Variants in KIRREL3 observed in about 807,000 individuals in gnomAD.
KIRREL3 encodes kin of IRRE-like protein 3.
Under a neutral mutation model 89.7 loss-of-function variants are expected in KIRREL3, and 36 were observed. The ratio of observed to expected loss-of-function variants is 0.40; its 90% CI spans 0.31 to 0.53. KIRREL3 has a LOEUF of 0.53. Among genes scored for constraint, KIRREL3 ranks in the 20% least tolerant of loss-of-function variants. The pLI, the probability that KIRREL3 is intolerant of heterozygous loss-of-function variation, is 0.49. For synonymous variants in KIRREL3, 445 were observed against 441.4 expected (o/e 1.01, Z -0.10); for missense variants, 864 against 1,056.6 (o/e 0.82, Z 2.53).
rs1374438881 is a variant in KIRREL3 at position 126,734,950 on chromosome 11, G to A, written c.56-172038C>T. ...TTCTGGTCCAGCTGTGCCTGGCTCC[G>A]ACCAAGGGCAGGGTCAATGTGCACT... On this transcript the variant is annotated intron_variant, in intron 1 of 16. Coordinates refer to ENST00000525144, the MANE Select transcript of KIRREL3 (RefSeq NM_032531.4). The surrounding 1 kb of genome is among the most constrained non-coding windows in gnomAD (Gnocchi z 5.9). Among the ~76,000 whole-genome samples, 7 of 152,298 alleles carry A rather than the reference G, an allele frequency of 4.6e-5. No homozygotes were observed. The highest frequency in any genetic ancestry group is 7.4e-5 in the Non-Finnish European group (5 of 68,024).
At chr11:126,626,992 C>T (rs1943814975) in intron 1 of KIRREL3, among the ~76,000 whole-genome samples, 1 of 142,026 alleles carries the variant, frequency 7.0e-6, no homozygotes, top group African/African-American at 2.6e-5. Context: ...AAGAGTGAAA[C>T]ACTGTCTCAA....
At chr11:126,863,566 TG>T (rs1944808183) in intron 1 of KIRREL3, among the ~76,000 whole-genome samples, 1 of 146,474 alleles carries the variant, frequency 6.8e-6, no homozygotes, top group Non-Finnish European at 1.5e-5. Flanking sequence ...TGTGTGAGTG[TG>T]TTTGACTGCG....
At chr11:126,925,853 C>T (rs1037333156) in intron 1 of KIRREL3, among the ~76,000 whole-genome samples, 2 of 152,250 alleles carry the variant, frequency 1.3e-5, no homozygotes, top group African/African-American at 4.8e-5. Flanking sequence ...TGTCCCCAGG[C>T]ACTCCTTCCT....
In KIRREL3 at chr11:126,841,887, G is replaced by T. The variant is rs566796425; in HGVS notation, c.55+158568C>A. Among the ~76,000 whole-genome samples the T allele has an allele frequency of 9.6e-4, 146 of 152,240 alleles. 3 individuals carry two copies. The highest frequency in any genetic ancestry group is 3.1e-3 in the African/African-American group (128 of 41,536). ...TTAAATCCTCCAGGAAAAGACAAAG[G>T]CTTCATACATCGTCAAGGTGGACCA... is the stretch of plus-strand genomic sequence containing the variant. On this transcript the variant is annotated intron_variant, in intron 1 of 16. Transcript: ENST00000525144.
Position 126,431,434 on chromosome 11 carries a change from C to T in KIRREL3, c.1681G>A (p.Ala561Thr). 6.2e-7 allele frequency: 1 copy of T among 1,614,040 alleles called. No homozygotes were observed. Among genetic ancestry groups the T allele is most frequent in the South Asian group, 1.1e-5 (1 of 91,082 alleles). The change falls in exon 14 of 17, where the codon GCC becomes ACC. Residue 561 changes from alanine (A) to threonine (T), a missense_variant. By Grantham distance (58) the Ala-to-Thr change is moderately conservative. Transcript: ENST00000525144. This position sits in a 1 kb window ranked among gnomAD's most constrained non-coding sequence, Gnocchi z 7.1. ...CCTCCCGTACTTCTCTGGGAACGGG[C>T]ACAGCAGAACGCCACGATGGTTGCC... The part of the protein sequence containing the change: ...LMATIVAFCC[A>T]RSQRNLKGVV...
intron 2 of KIRREL3, among the ~76,000 whole-genome samples, chr11:126,559,077 C>G (rs1007847427): frequency 6.6e-6 from 1 of 151,898 alleles, no homozygotes; most frequent in African/African-American, 2.4e-5. Context: ...GGAAACTACC[C>G]CTGGGGAAGG....
Position 126,778,649 on chromosome 11 carries a change from A to G in KIRREL3, c.56-215737T>C, listed in dbSNP as rs1565724244. Among the ~76,000 whole-genome samples, 1 of 152,246 alleles carries G rather than the reference A, an allele frequency of 6.6e-6. No individual in the cohort carries two copies. Reference sequence around the variant, plus strand: ...AGAAGAACACAAAAATGCATATGGTACAGCTTTTGAATGGTGTGATCACAT... The same window carrying G: ...AGAAGAACACAAAAATGCATATGGTGCAGCTTTTGAATGGTGTGATCACAT... On this transcript the variant is annotated intron_variant, in intron 1 of 16. Coordinates refer to ENST00000525144, the MANE Select transcript of KIRREL3 (RefSeq NM_032531.4). This position sits in a 1 kb window ranked among gnomAD's most constrained non-coding sequence, Gnocchi z 4.5.
intron 1 of KIRREL3, among the ~76,000 whole-genome samples, chr11:126,592,515 C>T (rs1279411772): frequency 6.6e-6 from 1 of 152,214 alleles, no homozygotes; most frequent in Admixed American, 6.5e-5. Flanking sequence ...TGTAGCTTCT[C>T]CAAGAAGATT....
chr11:126,799,106 ATGTG>A (rs1378661771), intron 1 of KIRREL3, among the ~76,000 whole-genome samples: 2 of 145,268 alleles, frequency 1.4e-5, no homozygotes, highest in African/African-American at 2.6e-5. Flanking sequence ...CTGTGCGTGG[ATGTG>A]TGTATCTGTG....
Position 126,423,714 on chromosome 11 carries a change from C to T in KIRREL3, c.*866G>A, listed in dbSNP as rs778003165. 2 of 152,176 alleles carry T rather than the reference C, an allele frequency of 1.3e-5. No homozygotes were observed. Among genetic ancestry groups the T allele is most frequent in the Non-Finnish European group, 2.9e-5 (2 of 68,048 alleles). The allele number at this position is 152,176 out of a possible 1,614,324, so 9.4% of individuals were successfully genotyped here. ...CTCTCTCCATAAGTGTTCAGAGAAC[C>T]CTGACCAGAGAAGCTCCCGCACTTC... On this transcript the variant is annotated 3_prime_UTR_variant, in exon 17 of 17. Coordinates refer to ENST00000525144, the MANE Select transcript of KIRREL3 (RefSeq NM_032531.4).
Position 126,908,071 on chromosome 11 carries a change from T to C in KIRREL3, c.55+92384A>G, listed in dbSNP as rs754507445. 2.3e-4 allele frequency among the ~76,000 whole-genome samples: 35 copies of C among 152,158 alleles called. No individual in the cohort carries two copies. Among genetic ancestry groups the C allele is most frequent in the Non-Finnish European group, 4.3e-4 (29 of 68,040 alleles). The stretch of plus-strand genomic sequence containing the variant: ...GCTTTCTTTTCCTCCATAGCCCTTA[T>C]CAGTACCTAACATATAAATCTGTTA... On this transcript the variant is annotated intron_variant, in intron 1 of 16. Coordinates refer to ENST00000525144, the MANE Select transcript of KIRREL3 (RefSeq NM_032531.4). This position sits in a 1 kb window ranked among gnomAD's most constrained non-coding sequence, Gnocchi z 4.2.
In KIRREL3 at chr11:126,576,982, TGA is replaced by T. The variant is rs2134648908; in HGVS notation, c.56-14072_56-14071del. Among the ~76,000 whole-genome samples, 1 of 152,306 alleles carries T rather than the reference TGA, an allele frequency of 6.6e-6. No individual in the cohort carries two copies. The highest frequency in any genetic ancestry group is 2.1e-4 in the South Asian group (1 of 4,814). ...GCTTCTCATATGAGAAAACTGAGGC[TGA>T]GAGAGGCTCAAGGGCTCCCATAACT... On this transcript the variant is annotated intron_variant, in intron 1 of 16. Coordinates refer to ENST00000525144, the MANE Select transcript of KIRREL3 (RefSeq NM_032531.4). This position sits in a 1 kb window ranked among gnomAD's most constrained non-coding sequence, Gnocchi z 5.4.
chr11:126,752,113 C>T lies in KIRREL3; in HGVS notation c.56-189201G>A, dbSNP rs528664663. ...TCCTTGTGTGTCAGCTTTTTCTTTG[C>T]AAAATAGGAACAATGATGATACCTG... is the stretch of plus-strand genomic sequence containing the variant. On this transcript the variant is annotated intron_variant, in intron 1 of 16. Coordinates refer to ENST00000525144, the MANE Select transcript of KIRREL3 (RefSeq NM_032531.4). This position sits in a 1 kb window ranked among gnomAD's most constrained non-coding sequence, Gnocchi z 4.8. 6.6e-6 allele frequency among the ~76,000 whole-genome samples: 1 copy of T among 152,118 alleles called. No homozygotes were observed. The highest frequency in any genetic ancestry group is 1.5e-5 in the Non-Finnish European group (1 of 68,028).
chr11:126,932,492 C>T (rs1461826535), intron 1 of KIRREL3, among the ~76,000 whole-genome samples: 3 of 152,194 alleles, frequency 2.0e-5, no homozygotes, highest in African/African-American at 7.2e-5. Context: ...TAACCTCACA[C>T]AGATATGACC....
At chr11:126,672,654 A>C (rs1946007799) in intron 1 of KIRREL3, among the ~76,000 whole-genome samples, 1 of 152,198 alleles carries the variant, frequency 6.6e-6, no homozygotes, top group South Asian at 2.1e-4. Context: ...GGTATAATAA[A>C]AATATACATA....
rs1949954957 is a variant in KIRREL3, at chr11:126,769,542, T to C, written c.56-206630A>G. ...GGTATTGATTTGCATATGATATTCA[T>C]GCATTTTGCATATTTTCATTTACCA... On this transcript the variant is annotated intron_variant, in intron 1 of 16. Coordinates refer to ENST00000525144, the MANE Select transcript of KIRREL3 (RefSeq NM_032531.4). The surrounding 1 kb of genome is among the most constrained non-coding windows in gnomAD (Gnocchi z 4.3). 6.6e-6 allele frequency among the ~76,000 whole-genome samples: 1 copy of C among 152,256 alleles called. No individual in the cohort carries two copies. The highest frequency in any genetic ancestry group is 2.4e-5 in the African/African-American group (1 of 41,472).
rs1173987989 is a variant in KIRREL3, at chr11:126,684,639, C to G, written c.56-121727G>C. On this transcript the variant is annotated intron_variant, in intron 1 of 16. Transcript: ENST00000525144. This position sits in a 1 kb window ranked among gnomAD's most constrained non-coding sequence, Gnocchi z 4.2. Reference sequence around the variant, plus strand: ...AGGACACTTAGAATTAAATTCATTTCTTTGGGCCAGTCTCCTTTGTCTGCA... The same window carrying G: ...AGGACACTTAGAATTAAATTCATTTGTTTGGGCCAGTCTCCTTTGTCTGCA... Among the ~76,000 whole-genome samples the G allele has an allele frequency of 6.6e-6, 1 of 152,224 alleles. No homozygotes were observed. The highest frequency in any genetic ancestry group is 2.4e-5 in the African/African-American group (1 of 41,452).
At chr11:126,971,605 A>G (rs1949426656) in intron 1 of KIRREL3, among the ~76,000 whole-genome samples, 1 of 152,200 alleles carries the variant, frequency 6.6e-6, no homozygotes, top group African/African-American at 2.4e-5. Flanking sequence ...GAGCACTGAA[A>G]GGAACCACAG....
Position 126,620,916 on chromosome 11 carries a change from T to A in KIRREL3, c.56-58004A>T, listed in dbSNP as rs1209056029. Among the ~76,000 whole-genome samples the A allele has an allele frequency of 6.6e-6, 1 of 152,220 alleles. No homozygotes were observed. The highest frequency in any genetic ancestry group is 1.5e-5 in the Non-Finnish European group (1 of 68,040). ...CTAAGACCAGAGGCTTTTTGTTTTT[T>A]CTTCTCTTCTCTGGACTCATAGGTC... On this transcript the variant is annotated intron_variant, in intron 1 of 16. Coordinates refer to ENST00000525144, the MANE Select transcript of KIRREL3 (RefSeq NM_032531.4). This position sits in a 1 kb window ranked among gnomAD's most constrained non-coding sequence, Gnocchi z 4.8.
Sources: gnomAD v4.1 joint callset for allele counts (sites outside exome capture counted in the v4.1 genomes callset) on GRCh38, gnomAD v4.1.1 for gene constraint, Gnocchi (gnomAD v3.1) non-coding constraint, MANE v1.5 for transcripts, NCBI Gene and HGNC (gene_info 2026-07-23, HGNC 2026-07-21) for gene names.